The following ACBD3 variants were observed in gnomAD, a reference collection of about 807,000 sequenced individuals.
ACBD3 encodes Golgi resident protein GCP60.
A neutral mutation model predicts 66.9 loss-of-function variants in ACBD3; 30 were observed. The observed-to-expected ratio is 0.45, with a 90% CI of 0.34 to 0.61. The LOEUF (loss-of-function observed/expected upper bound fraction) is 0.61. Ranked by LOEUF, ACBD3 falls within the 20% of genes least tolerant of loss-of-function variation. The pLI, the probability that ACBD3 is intolerant of heterozygous loss-of-function variation, is 0.02. For missense variants in ACBD3, 544 were observed against 664.5 expected (o/e 0.82, Z 1.99); for synonymous variants, 278 against 259.8 (o/e 1.07, Z -0.68).
chr1:226,168,901 C>T (rs1156318960), intron 1 of ACBD3, among the ~76,000 whole-genome samples: 1 of 152,214 alleles, frequency 6.6e-6, no homozygotes, highest in Non-Finnish European at 1.5e-5. Flanking sequence ...CTCTGTTGCC[C>T]AGGCTGGAGT....
intron 1 of ACBD3, among the ~76,000 whole-genome samples, chr1:226,171,839 G>A (rs1659999769): frequency 6.6e-6 from 1 of 152,016 alleles, no homozygotes; most frequent in African/African-American, 2.4e-5. Flanking sequence ...CACCGTGCCT[G>A]GCCAATAAAT....
intron 1 of ACBD3, among the ~76,000 whole-genome samples, chr1:226,181,511 T>A (rs59647139): frequency 0.03 from 4,634 of 152,244 alleles, 217 homozygotes; most frequent in African/African-American, 0.1. Context: ...AGTAGAACTA[T>A]TCCATAAAGA....
intron 1 of ACBD3, among the ~76,000 whole-genome samples, chr1:226,174,143 T>G (rs1348426804): frequency 1.3e-5 from 2 of 152,130 alleles, no homozygotes; most frequent in Non-Finnish European, 2.9e-5. Context: ...TACCACTAAC[T>G]GCACAGACAC....
intron 3 of ACBD3, among the ~76,000 whole-genome samples, chr1:226,163,980 G>A (rs1051256494): frequency 6.6e-6 from 1 of 151,850 alleles, no homozygotes; most frequent in Non-Finnish European, 1.5e-5. Context: ...AATTAGCTGG[G>A]TTGGTGGCAG....
chr1:226,157,401 G>C lies in ACBD3; in HGVS notation c.903+1783C>G, dbSNP rs529357415. ...ATTACAGATGTGTACCAACATGCCAGGCTAATTTTGTATTTTTAATAGAGA... is the reference window on the plus strand; with the variant it reads ...ATTACAGATGTGTACCAACATGCCACGCTAATTTTGTATTTTTAATAGAGA... On this transcript the variant is annotated intron_variant, in intron 5 of 7. Coordinates refer to ENST00000366812, the MANE Select transcript of ACBD3 (RefSeq NM_022735.4). Among the ~76,000 whole-genome samples, 4 of 152,154 alleles carry C rather than the reference G, an allele frequency of 2.6e-5. No homozygotes were observed. The South Asian group carries it at 8.3e-4, about 32-fold the overall frequency.
rs865838088 is a variant in ACBD3, at chr1:226,186,452, A to T, written c.224T>A (p.Leu75Gln). The change falls in exon 1 of 8, where the codon CTG (leucine) becomes CAG (glutamine). Residue 75 changes from leucine (L) to glutamine (Q), a missense_variant. This residue lies in a region of ACBD3 where 137 missense variants were observed against 145.9 expected (regional missense o/e 0.94). Coordinates refer to ENST00000366812, the MANE Select transcript of ACBD3 (RefSeq NM_022735.4). The stretch of plus-strand genomic sequence containing the variant: ...CAGGCCGAAACCCCAGCGCTGCTCC[A>T]GCCGCCGCGCCTCCTCCGCCGCGCC... ...AGGAAEEARRLEQRWGFGLEE... is the reference protein window; with the variant it reads ...AGGAAEEARRQEQRWGFGLEE... 1 of 1,508,462 alleles carries T rather than the reference A, an allele frequency of 6.6e-7. No homozygotes were observed. Among genetic ancestry groups the T allele is most frequent in the Non-Finnish European group, 8.8e-7 (1 of 1,131,284 alleles). The allele number at this position is 1,508,462 out of a possible 1,614,324, so 93.4% of individuals were successfully genotyped here. A position where few individuals can be genotyped will look rare whatever the true frequency, so the allele number is the denominator to read the frequency against.
At chr1:226,160,903 A>G (rs1659759040) in intron 4 of ACBD3, among the ~76,000 whole-genome samples, 4 of 152,246 alleles carry the variant, frequency 2.6e-5, no homozygotes, top group Admixed American at 2.6e-4. Context: ...GGAAACTGCA[A>G]CTGGGTCTCA....
chr1:226,178,524 G>A (rs1030902395), intron 1 of ACBD3, among the ~76,000 whole-genome samples: 3 of 131,870 alleles, frequency 2.3e-5, no homozygotes, highest in Middle Eastern at 4.3e-3. Context: ...GCAGTGAGCC[G>A]AGATTGCGCC....
chr1:226,163,113 G>A (rs1362536032), intron 3 of ACBD3, among the ~76,000 whole-genome samples: 4 of 152,002 alleles, frequency 2.6e-5, no homozygotes, highest in Admixed American at 2.6e-4. Flanking sequence ...CACTGCACCC[G>A]GCCATGACCT....
At chr1:226,158,190 C>T (rs370659855) in intron 5 of ACBD3, among the ~76,000 whole-genome samples, 4 of 152,270 alleles carry the variant, frequency 2.6e-5, no homozygotes, top group Admixed American at 6.5e-5. Flanking sequence ...TACACATTTT[C>T]AAGGAATTTA....
chr1:226,185,915 T>C (rs1656290911), intron 1 of ACBD3, among the ~76,000 whole-genome samples: 1 of 152,152 alleles, frequency 6.6e-6, no homozygotes, highest in Non-Finnish European at 1.5e-5. Context: ...TTCCCAAGAA[T>C]GGCTGGAAAA....
chr1:226,166,062 T>G, intron 1 of ACBD3, 62 bp from the exon 2 acceptor site: 2 of 1,516,494 alleles, frequency 1.3e-6, no homozygotes, highest in Non-Finnish European at 1.8e-6. Context: ...ATTTTCAGCA[T>G]TATATACTAA....
chr1:226,154,563 G>A, intron 6 of ACBD3, 84 bp downstream of exon 6: 1 of 1,441,460 alleles, frequency 6.9e-7, no homozygotes, highest in South Asian at 1.4e-5. Context: ...GTTCTCAAAA[G>A]CTAATTATAA....
intron 1 of ACBD3, among the ~76,000 whole-genome samples, chr1:226,182,346 G>A (rs1656190326): frequency 6.6e-6 from 1 of 152,200 alleles, no homozygotes; most frequent in Non-Finnish European, 1.5e-5. Context: ...GCCAGGCGCG[G>A]TGGTTCACGC....
chr1:226,154,862 C>G, intron 5 of ACBD3, 29 bp from the exon 6 acceptor site: 1 of 1,574,796 alleles, frequency 6.4e-7, no homozygotes, highest in Admixed American at 1.8e-5. Context: ...TGAAGACACA[C>G]TGACCAGGAA....
chr1:226,179,430 A>C (rs10799339), intron 1 of ACBD3, among the ~76,000 whole-genome samples: 8,994 of 152,216 alleles, frequency 0.059, 412 homozygotes, highest in East Asian at 0.2. Flanking sequence ...GAGCAGGACT[A>C]TCTCTCTCTT....
chr1:226,179,101 A>G (rs1307218762), intron 1 of ACBD3, among the ~76,000 whole-genome samples: 1 of 152,206 alleles, frequency 6.6e-6, no homozygotes, highest in East Asian at 1.9e-4. Context: ...TTTAATTCCC[A>G]GCTCTGCTAT....
At chr1:226,176,038 T>C (rs1233146126) in intron 1 of ACBD3, among the ~76,000 whole-genome samples, 1 of 152,092 alleles carries the variant, frequency 6.6e-6, no homozygotes, top group Non-Finnish European at 1.5e-5. Context: ...GTGGGCCCAA[T>C]GTAATCATAA....
At chr1:226,171,374 C>G (rs1659989826) in intron 1 of ACBD3, among the ~76,000 whole-genome samples, 1 of 151,984 alleles carries the variant, frequency 6.6e-6, no homozygotes. Context: ...GTCTCGAACT[C>G]CTGATCTCAG....
Sources: allele counts gnomAD v4.1 joint callset (sites outside exome capture counted in the v4.1 genomes callset), GRCh38; gene constraint gnomAD v4.1.1; regional missense constraint gnomAD v4.1.1; transcripts MANE v1.5; gene names NCBI Gene and HGNC (gene_info 2026-07-23, HGNC 2026-07-21).